ATP8B1: variants seen among roughly 807,000 people sequenced by gnomAD.
The protein encoded by ATP8B1 is ATPase phospholipid transporting 8B1, also known as phospholipid-transporting ATPase IC.
In ATP8B1, 80 loss-of-function variants were observed where a neutral mutation model predicts 149.9. That is an observed-to-expected ratio of 0.53 (90% CI 0.45 to 0.64). The LOEUF (loss-of-function observed/expected upper bound fraction) is 0.64. Ranked by LOEUF, ATP8B1 falls within the 30% of genes least tolerant of loss-of-function variation. The pLI, the probability that ATP8B1 is intolerant of heterozygous loss-of-function variation, is 0.00. For missense variants in ATP8B1, 1,247 were observed against 1,552.6 expected, an observed-to-expected ratio of 0.80 and a Z score of 3.31; for synonymous variants, 536 against 562.8, an observed-to-expected ratio of 0.95 and a Z score of 0.67.
Position 57,691,997 on chromosome 18 carries a change from T to C in ATP8B1, c.1030A>G (p.Ile344Val). ...DYLMNYMVYT[I>V]FVVLILLSAG... ...GAAAGCAGAATAAGAACAACAAAGATCTAGAAGACAGAAAACATTTAAATG... is the reference window on the plus strand; with the variant it reads ...GAAAGCAGAATAAGAACAACAAAGACCTAGAAGACAGAAAACATTTAAATG... Residue 344 changes from isoleucine to valine, a missense_variant and splice_region_variant, in exon 12 of 28, where the codon ATC (isoleucine) becomes GTC (valine). By Grantham distance (29) the Ile-to-Val change is conservative. Coordinates refer to ENST00000648908, the MANE Select transcript of ATP8B1 (RefSeq NM_001374385.1). 1 of 1,611,570 alleles carries C rather than the reference T, an allele frequency of 6.2e-7. No homozygotes were observed. The highest frequency in any genetic ancestry group is 8.5e-7 in the Non-Finnish European group (1 of 1,178,860).
intron 1 of ATP8B1, among the ~76,000 whole-genome samples, chr18:57,743,549 C>T (rs2079938136): frequency 6.6e-6 from 1 of 152,066 alleles, no homozygotes; most frequent in Non-Finnish European, 1.5e-5. Context: ...GGTTTTTGAG[C>T]TGGGCAACCT....
At chr18:57,731,306 AAAATATATATATATATATATAT>A (rs1461534660) in intron 2 of ATP8B1, 4 of 119,974 alleles carry the variant, frequency 3.3e-5, no homozygotes, top group African/African-American at 1.3e-4. Flanking sequence ...ACCCTGCCTC[AAAATATATATATATATATATAT>A]ATATATATAT....
chr18:57,663,430 T>A (rs1363583604), intron 20 of ATP8B1, among the ~76,000 whole-genome samples: 1 of 152,212 alleles, frequency 6.6e-6, no homozygotes, highest in Non-Finnish European at 1.5e-5. Context: ...CTGCTTTCAA[T>A]TATTTTGTGG....
intron 1 of ATP8B1, among the ~76,000 whole-genome samples, chr18:57,796,154 C>T (rs552520060): frequency 5.3e-5 from 8 of 152,254 alleles, no homozygotes; most frequent in Admixed American, 1.3e-4. Context: ...CATGACAGAG[C>T]GAGACCCCAT....
chr18:57,790,462 A>G lies in ATP8B1; in HGVS notation c.-26+12536T>C, dbSNP rs768119363. Among the ~76,000 whole-genome samples the G allele has an allele frequency of 4.6e-4, 70 of 152,094 alleles. 1 individual carries two copies. Among genetic ancestry groups the G allele is most frequent in the Non-Finnish European group, 3.1e-4 (21 of 68,032 alleles). Reference sequence around the variant, plus strand: ...GTTTGGTGCCTGCCTCCCTTATCCCATGGTAGCCCCAGCATCATGTCACAC... The same window carrying G: ...GTTTGGTGCCTGCCTCCCTTATCCCGTGGTAGCCCCAGCATCATGTCACAC... On this transcript the variant is annotated intron_variant, in intron 1 of 27. Coordinates refer to ENST00000648908, the MANE Select transcript of ATP8B1 (RefSeq NM_001374385.1).
At chr18:57,666,044 T>C (rs1187360317) in intron 20 of ATP8B1, among the ~76,000 whole-genome samples, 2 of 152,180 alleles carry the variant, frequency 1.3e-5, no homozygotes, top group African/African-American at 4.8e-5. Flanking sequence ...GAAATAAGAC[T>C]AATATTGACC....
intron 2 of ATP8B1, among the ~76,000 whole-genome samples, chr18:57,728,134 G>A (rs1479453040): frequency 1.3e-5 from 2 of 150,474 alleles, no homozygotes; most frequent in Non-Finnish European, 2.9e-5. Context: ...TGGGCTAGAG[G>A]ATTTCCTTTC....
At chr18:57,686,064 A>G (rs974923436) in intron 13 of ATP8B1, among the ~76,000 whole-genome samples, 2 of 152,172 alleles carry the variant, frequency 1.3e-5, no homozygotes, top group African/African-American at 4.8e-5. Flanking sequence ...TCTGGTCAAC[A>G]TGGTGAAACC....
intron 1 of ATP8B1, among the ~76,000 whole-genome samples, chr18:57,780,828 A>G (rs1378102847): frequency 2.6e-5 from 4 of 152,184 alleles, no homozygotes; most frequent in Non-Finnish European, 5.9e-5. Context: ...TTTTTCCAGC[A>G]TGCCTGCCCC....
intron 16 of ATP8B1, among the ~76,000 whole-genome samples, chr18:57,673,774 A>T (rs1352988352): frequency 1.3e-5 from 2 of 152,106 alleles, no homozygotes; most frequent in African/African-American, 4.8e-5. Flanking sequence ...CCATTCTTGT[A>T]ACTTTTCTAT....
chr18:57,751,226 C>G (rs1056190516), intron 1 of ATP8B1, among the ~76,000 whole-genome samples: 1 of 152,042 alleles, frequency 6.6e-6, no homozygotes, highest in Non-Finnish European at 1.5e-5. Context: ...GCTTGTGGCT[C>G]ACACCTGTAA....
intron 2 of ATP8B1, among the ~76,000 whole-genome samples, chr18:57,718,210 T>C (rs1393739405): frequency 6.6e-6 from 1 of 150,876 alleles, no homozygotes; most frequent in Non-Finnish European, 1.5e-5. Flanking sequence ...TCAAAGATCA[T>C]TAGTGGCTAC....
chr18:57,676,340 T>A (rs947506460), intron 15 of ATP8B1, among the ~76,000 whole-genome samples: 5 of 152,068 alleles, frequency 3.3e-5, no homozygotes, highest in African/African-American at 1.2e-4. Context: ...GTTTGTATTT[T>A]TTGTAGAGAC....
At position 57,674,856 on chromosome 18, in the gene ATP8B1, G is replaced by A; in HGVS notation, c.1797C>T (p.Asp599=). ...NVLAILDFNS[D]RKRMSIIVRT... ...TACCAATGATAGACATTCGCTTCCG[G>A]TCACTGTTGAAGTCCAAAATGGCAA... Residue 599 remains aspartate, a synonymous_variant, in exon 16 of 28, where the codon GAC becomes GAT. Transcript: ENST00000648908. The A allele has an allele frequency of 6.2e-7, 1 of 1,614,134 alleles. No individual in the cohort carries two copies. Among genetic ancestry groups the A allele is most frequent in the Non-Finnish European group, 8.5e-7 (1 of 1,179,990 alleles).
intron 1 of ATP8B1, among the ~76,000 whole-genome samples, chr18:57,779,294 G>A (rs2080337384): frequency 6.6e-6 from 1 of 150,546 alleles, no homozygotes; most frequent in Non-Finnish European, 1.5e-5. Flanking sequence ...CAGCCTGGGC[G>A]ACAGAGTGAT....
rs372204119 is a variant in ATP8B1 at position 57,683,300 on chromosome 18, G to A, written c.1630+736C>T. Reference sequence around the variant, plus strand: ...AGGGAATGAAGTGAAGGCAGACTACGCTTTATTACAGAAACACCAAAAGAA... The same window carrying A: ...AGGGAATGAAGTGAAGGCAGACTACACTTTATTACAGAAACACCAAAAGAA... On this transcript the variant is annotated intron_variant, in intron 15 of 27. Transcript: ENST00000648908. Among the ~76,000 whole-genome samples, 58 of 152,182 alleles carry A rather than the reference G, an allele frequency of 3.8e-4. 1 individual carries two copies. The highest frequency in any genetic ancestry group is 1.4e-3 in the African/African-American group (56 of 41,442).
chr18:57,753,300 T>C (rs573946630), intron 1 of ATP8B1, among the ~76,000 whole-genome samples: 24 of 152,336 alleles, frequency 1.6e-4, no homozygotes, highest in Non-Finnish European at 2.4e-4. Flanking sequence ...TTGGCTGAGC[T>C]TACTTGGAAA....
At chr18:57,686,694 CAGGCATG>C (rs1912268017) in intron 13 of ATP8B1, among the ~76,000 whole-genome samples, 1 of 152,166 alleles carries the variant, frequency 6.6e-6, no homozygotes, top group Non-Finnish European at 1.5e-5. Flanking sequence ...GCTGGGATTA[CAGGCATG>C]AGCCACTGTG....
At chr18:57,769,126 C>T (rs1351313481) in intron 1 of ATP8B1, among the ~76,000 whole-genome samples, 4 of 152,140 alleles carry the variant, frequency 2.6e-5, no homozygotes, top group Non-Finnish European at 5.9e-5. Context: ...TGGTCTGACC[C>T]AGGCATATTA....
Sources: gnomAD v4.1 joint callset for allele counts (sites outside exome capture counted in the v4.1 genomes callset) on GRCh38, gnomAD v4.1.1 for gene constraint, MANE v1.5 for transcripts, NCBI Gene and HGNC (gene_info 2026-07-23, HGNC 2026-07-21) for gene names.